GSE1: variants seen among roughly 807,000 people sequenced by gnomAD.
GSE1 encodes genetic suppressor element 1.
Under a neutral mutation model 112.6 loss-of-function variants are expected in GSE1, and 32 were observed. That is an observed-to-expected ratio of 0.28 (90% CI 0.21 to 0.38). The LOEUF is 0.38. Ranked by LOEUF, GSE1 falls within the 10% of genes least tolerant of loss-of-function variation. The pLI, the probability that GSE1 is intolerant of heterozygous loss-of-function variation, is 1.00. For missense variants in GSE1, 2,348 were observed against 1,699.2 expected, an observed-to-expected ratio of 1.38 and a Z score of -6.71; for synonymous variants, 1,115 against 735.6, an observed-to-expected ratio of 1.52 and a Z score of -8.35.
At position 85,527,247 on chromosome 16, in the gene GSE1, C is replaced by G. The variant is rs113374469; in HGVS notation, c.2465-106667C>G. The stretch of plus-strand genomic sequence containing the variant: ...GTCCGTGGGCGCGCAGGGGCTGGCT[C>G]CGGCCTCGCCCACCTGTGCACACGC... On this transcript the variant is annotated intron_variant, in intron 2 of 2. Transcript: ENST00000637419. Among the ~76,000 whole-genome samples the G allele has an allele frequency of 6.2e-3, 939 of 152,344 alleles. 11 individuals carry two copies. The highest frequency in any genetic ancestry group is 0.021 in the African/African-American group (855 of 41,578).
At chr16:85,430,081 G>A (rs1195819200) in intron 2 of GSE1, among the ~76,000 whole-genome samples, 1 of 152,230 alleles carries the variant, frequency 6.6e-6, no homozygotes, top group Non-Finnish European at 1.5e-5. Flanking sequence ...GGGTTCAGTC[G>A]GAGCCCAGTG....
At chr16:85,672,273 G>C in intron 15 of GSE1, 132 bp from the exon 16 acceptor site, 2 of 681,372 alleles carry the variant, frequency 2.9e-6, no homozygotes, top group Non-Finnish European at 5.3e-6. Context: ...GGGATTACAG[G>C]CGTGAGCCAC....
At position 85,675,059 on chromosome 16, in the gene GSE1, T is replaced by A. The variant is rs72803009; in HGVS notation, c.*2520T>A. 10,033 of 152,394 alleles carry A rather than the reference T, an allele frequency of 0.066. 437 individuals are homozygous for A. The highest frequency in any genetic ancestry group is 0.1 in the Non-Finnish European group (6,988 of 68,010). The allele number at this position is 152,394 out of a possible 1,614,324, so 9.4% of individuals were successfully genotyped here. A position where few individuals can be genotyped will look rare whatever the true frequency, so the allele number is the denominator to read the frequency against. On this transcript the variant is annotated 3_prime_UTR_variant, in exon 16 of 16. Coordinates refer to ENST00000253458, the MANE Select transcript of GSE1 (RefSeq NM_014615.5). ...CATGGTTTCCCCATCCAACTATTAG[T>A]TTCATACTTTGAAAACTTACTTTCA...
At chr16:85,634,752 A>G (rs1162113123) in intron 2 of GSE1, among the ~76,000 whole-genome samples, 4 of 151,904 alleles carry the variant, frequency 2.6e-5, no homozygotes, top group Non-Finnish European at 5.9e-5. Context: ...TCTGAGCCTC[A>G]TTTTTCCTGT....
chr16:85,545,721 G>A (rs567189173), intron 2 of GSE1, among the ~76,000 whole-genome samples: 83 of 152,286 alleles, frequency 5.5e-4, no homozygotes, highest in Middle Eastern at 3.4e-3. Flanking sequence ...GTCAGCATCC[G>A]GAAAGGAGAC....
chr16:85,486,411 G>T (rs1242155356), intron 2 of GSE1, among the ~76,000 whole-genome samples: 1 of 152,194 alleles, frequency 6.6e-6, no homozygotes, highest in Non-Finnish European at 1.5e-5. Flanking sequence ...CGTTGCCCAG[G>T]GCCGCCGTTA....
At chr16:85,577,889 C>A (rs1005627072) in intron 1 of GSE1, among the ~76,000 whole-genome samples, 1 of 152,248 alleles carries the variant, frequency 6.6e-6, no homozygotes, top group Non-Finnish European at 1.5e-5. Flanking sequence ...GCCTTCCAAG[C>A]CAGTCAGCAG....
At chr16:85,188,973 T>TG (rs1567599208) in intron 1 of GSE1, among the ~76,000 whole-genome samples, 1 of 152,180 alleles carries the variant, frequency 6.6e-6, no homozygotes, top group Non-Finnish European at 1.5e-5. Flanking sequence ...TTATCAGACT[T>TG]GCTGTGGGGG....
chr16:85,385,982 C>T (rs530430410), intron 2 of GSE1, among the ~76,000 whole-genome samples: 2 of 152,320 alleles, frequency 1.3e-5, no homozygotes, highest in South Asian at 2.1e-4. Context: ...GGGAGCGAAC[C>T]CCCATTCCCC....
At position 85,668,161 on chromosome 16, in the gene GSE1, C is replaced by T. The variant is rs757654138; in HGVS notation, c.3152C>T (p.Ala1051Val). The change falls in exon 14 of 16, where the codon GCA (alanine) becomes GTA (valine). Residue 1051 changes from alanine (A) to valine (V), a missense_variant. Ala to Val is a moderately conservative substitution (Grantham distance 64). Transcript: ENST00000253458. ...KHKGSVAVLS[A>V]EQNHKVDTSV... is the part of the protein sequence containing the mutation. ...ACAGGGAGCGTGGCTGTGCTGTCTG[C>T]AGAGCAGAACCACAAGGTTGACACG... is the stretch of plus-strand genomic sequence containing the variant. 5.6e-6 allele frequency: 9 copies of T among 1,596,786 alleles called. No homozygotes were observed. Among genetic ancestry groups the T allele is most frequent in the East Asian group, 4.5e-5 (2 of 44,678 alleles).
At chr16:85,209,905 G>A (rs536277223) in intron 1 of GSE1, among the ~76,000 whole-genome samples, 5 of 152,358 alleles carry the variant, frequency 3.3e-5, no homozygotes, top group African/African-American at 1.2e-4. Context: ...GACTGGTACT[G>A]AGCTTTCCTA....
chr16:85,631,011 G>A (rs1304315930), intron 1 of GSE1, among the ~76,000 whole-genome samples: 1 of 138,026 alleles, frequency 7.2e-6, no homozygotes. Flanking sequence ...AGTATCCCCT[G>A]GGGGGGTGGT....
chr16:85,525,048 G>A (rs2052319202), intron 2 of GSE1, among the ~76,000 whole-genome samples: 1 of 152,186 alleles, frequency 6.6e-6, no homozygotes, highest in African/African-American at 2.4e-5. Context: ...CGCAGCCTCT[G>A]CTGCAATCGG....
At chr16:85,426,933 C>T (rs2049007890) in intron 2 of GSE1, among the ~76,000 whole-genome samples, 1 of 152,042 alleles carries the variant, frequency 6.6e-6, no homozygotes, top group African/African-American at 2.4e-5. Flanking sequence ...GTGGTGTGTC[C>T]CATAGACCTT....
At chr16:85,318,649 G>C (rs565945028) in intron 1 of GSE1, among the ~76,000 whole-genome samples, 3 of 152,318 alleles carry the variant, frequency 2.0e-5, no homozygotes, top group South Asian at 4.2e-4. Flanking sequence ...TGGTTGTGGG[G>C]CACACGTAGA....
chr16:85,376,915 C>A (rs564844830), intron 2 of GSE1, among the ~76,000 whole-genome samples: 1 of 152,380 alleles, frequency 6.6e-6, no homozygotes, highest in East Asian at 1.9e-4. Flanking sequence ...CACACCCGGC[C>A]CCGCGTTACC....
At chr16:85,516,840 C>T (rs1322390367) in intron 2 of GSE1, among the ~76,000 whole-genome samples, 3 of 151,098 alleles carry the variant, frequency 2.0e-5, no homozygotes, top group Non-Finnish European at 4.4e-5. Context: ...CTCTATCGCC[C>T]AGGCTGGAGT....
intron 1 of GSE1, among the ~76,000 whole-genome samples, chr16:85,346,606 T>TGATGGATG (rs56147441): frequency 0.011 from 1,523 of 143,382 alleles, 27 homozygotes; most frequent in African/African-American, 0.036. Flanking sequence ...GATGGGTGGA[T>TGATGGATG]GATGGATGGA....
intron 1 of GSE1, among the ~76,000 whole-genome samples, chr16:85,308,435 G>A (rs2045740291): frequency 6.6e-6 from 1 of 152,164 alleles, no homozygotes; most frequent in African/African-American, 2.4e-5. Flanking sequence ...GAACATCAGT[G>A]TGCATTTTAA....
Sources: allele counts gnomAD v4.1 joint callset (sites outside exome capture counted in the v4.1 genomes callset), GRCh38; gene constraint gnomAD v4.1.1; transcripts MANE v1.5; gene names NCBI Gene and HGNC (gene_info 2026-07-23, HGNC 2026-07-21).